Variants in ADAM22 observed in about 807,000 individuals in gnomAD.
ADAM22 encodes the protein ADAM metallopeptidase domain 22.
ADAM22 carries 65 observed loss-of-function variants against 144.6 expected under a neutral mutation model. The ratio of observed to expected loss-of-function variants is 0.45; its 90% CI spans 0.37 to 0.55. The LOEUF (loss-of-function observed/expected upper bound fraction) is 0.55, where lower values mean the gene tolerates loss of function less well. Ranked by LOEUF, ADAM22 falls within the 20% of genes least tolerant of loss-of-function variation. The pLI is 0.00. For missense variants in ADAM22, 974 were observed against 1,184.9 expected, an observed-to-expected ratio of 0.82 and a Z score of 2.61; for synonymous variants, 391 against 412.6, an observed-to-expected ratio of 0.95 and a Z score of 0.63.
At chr7:88,182,176 A>G (rs1042655376) in intron 29 of ADAM22, 152 bp downstream of exon 29, 5 of 648,876 alleles carry the variant, frequency 7.7e-6, no homozygotes, top group Non-Finnish European at 1.0e-5. Context: ...AAAATTAACC[A>G]TGGCTTTTCT....
intron 3 of ADAM22, among the ~76,000 whole-genome samples, chr7:88,015,860 T>G (rs763548915): frequency 3.3e-5 from 5 of 152,216 alleles, no homozygotes; most frequent in African/African-American, 4.8e-5. Context: ...TTGTTTTTGA[T>G]TAAAGTTATG....
chr7:88,149,980 A>T (rs758478263), intron 18 of ADAM22, among the ~76,000 whole-genome samples: 78 of 152,272 alleles, frequency 5.1e-4, no homozygotes, highest in Admixed American at 3.3e-3. Flanking sequence ...ATTTTACAAC[A>T]TTTTATTCTT....
chr7:88,151,225 A>G, intron 19 of ADAM22, 32 bp from the exon 20 acceptor site: 1 of 1,613,290 alleles, frequency 6.2e-7, no homozygotes, highest in Non-Finnish European at 8.5e-7. Flanking sequence ...CAGATATTGC[A>G]TCGCTAATGG....
At chr7:88,040,058 C>T (rs960142188) in intron 3 of ADAM22, among the ~76,000 whole-genome samples, 1 of 151,992 alleles carries the variant, frequency 6.6e-6, no homozygotes, top group Non-Finnish European at 1.5e-5. Flanking sequence ...CTCCCCACAC[C>T]ACCAGTTCCT....
chr7:88,174,853 T>C (rs1845247710), intron 26 of ADAM22, among the ~76,000 whole-genome samples: 1 of 152,154 alleles, frequency 6.6e-6, no homozygotes, highest in South Asian at 2.1e-4. Context: ...ACTTGTGAAC[T>C]TCTCATCTTT....
At chr7:88,131,690 A>G (rs1831827255) in intron 11 of ADAM22, 1 of 498,856 alleles carries the variant, frequency 2.0e-6, no homozygotes, top group African/African-American at 1.9e-5. Flanking sequence ...ACTGAGTAAA[A>G]ATACTGCTAA....
At chr7:88,124,842 T>C (rs1260148465) in intron 7 of ADAM22, among the ~76,000 whole-genome samples, 1 of 152,022 alleles carries the variant, frequency 6.6e-6, no homozygotes, top group Non-Finnish European at 1.5e-5. Flanking sequence ...TTATTTCTCC[T>C]TTATGAACAG....
At chr7:88,168,277 T>G (rs1365567464) in intron 25 of ADAM22, 50 bp downstream of exon 25, 1 of 1,533,418 alleles carries the variant, frequency 6.5e-7, no homozygotes, top group Non-Finnish European at 9.0e-7. Flanking sequence ...CTTCTAAACA[T>G]TTTGATTACA....
chr7:88,145,585 C>A, intron 17 of ADAM22, 78 bp downstream of exon 17: 1 of 1,153,842 alleles, frequency 8.7e-7, no homozygotes, highest in Non-Finnish European at 1.3e-6. Flanking sequence ...TAAATATAAT[C>A]TAATAACAGA....
At chr7:88,192,229 A>G (rs1172768527) in intron 30 of ADAM22, among the ~76,000 whole-genome samples, 1 of 152,200 alleles carries the variant, frequency 6.6e-6, no homozygotes, top group Non-Finnish European at 1.5e-5. Flanking sequence ...TGGATTAAGG[A>G]GCAGTGGATG....
chr7:88,060,336 C>A (rs1809440449), intron 3 of ADAM22, among the ~76,000 whole-genome samples: 1 of 152,186 alleles, frequency 6.6e-6, no homozygotes, highest in Non-Finnish European at 1.5e-5. Flanking sequence ...TTACGCATAG[C>A]AGAACTTCTT....
intron 26 of ADAM22, among the ~76,000 whole-genome samples, chr7:88,177,395 ATAT>A (rs878871230): frequency 1.3e-5 from 2 of 152,332 alleles, no homozygotes; most frequent in Admixed American, 1.3e-4. Context: ...GTGAAGTTTC[ATAT>A]TATTATCCTA....
At chr7:88,174,178 A>G (rs983336716) in intron 26 of ADAM22, among the ~76,000 whole-genome samples, 9 of 152,196 alleles carry the variant, frequency 5.9e-5, no homozygotes, top group Non-Finnish European at 1.2e-4. Flanking sequence ...TCTTCTGAGA[A>G]TGAGTCCTCA....
intron 3 of ADAM22, among the ~76,000 whole-genome samples, chr7:88,026,789 A>G (rs1799122594): frequency 1.3e-5 from 2 of 152,140 alleles, no homozygotes; most frequent in South Asian, 2.1e-4. Context: ...TTGGGCATCC[A>G]TTGTGTTGTG....
At chr7:87,982,466 G>A (rs1269913634) in intron 3 of ADAM22, among the ~76,000 whole-genome samples, 2 of 151,574 alleles carry the variant, frequency 1.3e-5, no homozygotes. Context: ...ATGTGGCTAA[G>A]GAGGTTGGCA....
At chr7:88,002,706 G>C (rs1792864391) in intron 3 of ADAM22, among the ~76,000 whole-genome samples, 1 of 152,226 alleles carries the variant, frequency 6.6e-6, no homozygotes, top group Admixed American at 6.5e-5. Context: ...ATCAGTACAA[G>C]GATCTGGGTG....
intron 2 of ADAM22, among the ~76,000 whole-genome samples, chr7:87,953,039 A>C (rs997297085): frequency 7.9e-5 from 12 of 150,982 alleles, no homozygotes; most frequent in Admixed American, 4.0e-4. Context: ...CTTTTTCTTT[A>C]TTAGTCTTGC....
At chr7:88,091,584 A>G (rs1017271432) in intron 4 of ADAM22, among the ~76,000 whole-genome samples, 1 of 152,162 alleles carries the variant, frequency 6.6e-6, no homozygotes. Context: ...TGTTTCACAT[A>G]TGTTAAGTCA....
At chr7:87,938,368 A>G (rs1841772905) in intron 2 of ADAM22, among the ~76,000 whole-genome samples, 3 of 151,576 alleles carry the variant, frequency 2.0e-5, no homozygotes, top group Admixed American at 2.0e-4. Flanking sequence ...ACAGGCACCC[A>G]CCACCATGCC....
Sources: gnomAD v4.1 joint callset for allele counts (sites outside exome capture counted in the v4.1 genomes callset) on GRCh38, gnomAD v4.1.1 for gene constraint, MANE v1.5 for transcripts, NCBI Gene and HGNC (gene_info 2026-07-23, HGNC 2026-07-21) for gene names.